Variants in ACOXL observed in about 807,000 individuals in gnomAD.
The protein encoded by ACOXL is acyl-CoA oxidase like.
Under a neutral mutation model 71.9 loss-of-function variants are expected in ACOXL, and 70 were observed. That is an observed-to-expected ratio of 0.97 (90% CI 0.80 to 1.19). The LOEUF is 1.19. Ranked by LOEUF, ACOXL falls within the 50% of genes most tolerant of loss-of-function variation. The probability of loss-of-function intolerance (pLI) is 0.00; values close to 1 mark genes in which losing one functional copy is unlikely to be tolerated. For synonymous variants in ACOXL, 253 were observed against 281.6 expected, an observed-to-expected ratio of 0.90 and a Z score of 1.02; for missense variants, 703 against 736.3, an observed-to-expected ratio of 0.95 and a Z score of 0.52.
At chr2:111,004,829 G>A (rs1471213168) in intron 14 of ACOXL, among the ~76,000 whole-genome samples, 3 of 152,072 alleles carry the variant, frequency 2.0e-5, no homozygotes, top group South Asian at 4.1e-4. Flanking sequence ...TTGAGGGTCG[G>A]GACAGAGAAC....
chr2:110,898,270 A>G (rs2059096260), intron 10 of ACOXL, among the ~76,000 whole-genome samples: 1 of 152,176 alleles, frequency 6.6e-6, no homozygotes, highest in Non-Finnish European at 1.5e-5. Context: ...TGATCCCGGA[A>G]CCAAATAAAG....
chr2:110,873,403 G>A (rs761206471), intron 10 of ACOXL, among the ~76,000 whole-genome samples: 6 of 152,196 alleles, frequency 3.9e-5, no homozygotes, highest in African/African-American at 7.2e-5. Context: ...TGTGTCAGGC[G>A]GTTGGGGGAT....
intron 11 of ACOXL, among the ~76,000 whole-genome samples, chr2:110,920,753 G>A (rs1178146759): frequency 6.6e-6 from 1 of 152,002 alleles, no homozygotes; most frequent in Non-Finnish European, 1.5e-5. Context: ...TCTTGGGATA[G>A]TATTGACTTA....
intron 2 of ACOXL, among the ~76,000 whole-genome samples, chr2:110,773,482 C>T (rs1264353299): frequency 2.0e-5 from 3 of 152,196 alleles, no homozygotes; most frequent in African/African-American, 7.2e-5. Flanking sequence ...CCAACTCACC[C>T]AGGCCCCACC....
intron 11 of ACOXL, among the ~76,000 whole-genome samples, chr2:110,921,394 C>A (rs1281697396): frequency 1.6e-5 from 2 of 128,608 alleles, no homozygotes; most frequent in African/African-American, 2.8e-5. Context: ...ATCCACCCCC[C>A]CCCCCCTTTT....
chr2:110,856,124 C>T (rs1347677076), intron 10 of ACOXL, among the ~76,000 whole-genome samples: 7 of 152,048 alleles, frequency 4.6e-5, no homozygotes, highest in African/African-American at 7.2e-5. Context: ...AGCTACAGAG[C>T]GCTGATTGGT....
intron 1 of ACOXL, among the ~76,000 whole-genome samples, chr2:110,751,171 G>A (rs1678906612): frequency 6.6e-6 from 1 of 151,882 alleles, no homozygotes; most frequent in Admixed American, 6.6e-5. Flanking sequence ...CATTGTAGCG[G>A]GTGCCTGTAG....
chr2:110,892,481 G>C (rs1423214705), intron 10 of ACOXL, among the ~76,000 whole-genome samples: 1 of 152,116 alleles, frequency 6.6e-6, no homozygotes, highest in Non-Finnish European at 1.5e-5. Flanking sequence ...CCAGATGTTG[G>C]ACATAAATGG....
intron 1 of ACOXL, among the ~76,000 whole-genome samples, chr2:110,764,846 T>C (rs1316691284): frequency 6.6e-6 from 1 of 152,324 alleles, no homozygotes; most frequent in Admixed American, 6.5e-5. Flanking sequence ...ATAAGTAATC[T>C]AGTCTACTAT....
chr2:110,808,924 G>C lies in ACOXL; in HGVS notation c.753+3529G>C, dbSNP rs570502621. Among the ~76,000 whole-genome samples, 5 of 152,326 alleles carry C rather than the reference G, an allele frequency of 3.3e-5. No homozygotes were observed. The East Asian group carries it at 5.8e-4, about 18-fold the overall frequency. On this transcript the variant is annotated intron_variant, in intron 9 of 17. Transcript: ENST00000439055. The stretch of plus-strand genomic sequence containing the variant: ...AGCCTCATCCACTGCTGTGTGTTCA[G>C]CTTCACACACAGGGCTGGGCACATA...
chr2:110,819,251 T>TA (rs893285565), intron 9 of ACOXL, among the ~76,000 whole-genome samples: 1 of 152,210 alleles, frequency 6.6e-6, no homozygotes, highest in African/African-American at 2.4e-5. Context: ...GTTGCCTTGC[T>TA]AAAGATTCTG....
At chr2:110,839,091 C>T (rs1490061763) in intron 9 of ACOXL, among the ~76,000 whole-genome samples, 3 of 152,122 alleles carry the variant, frequency 2.0e-5, no homozygotes, top group African/African-American at 4.8e-5. Context: ...ATCTCCCAGC[C>T]CCCTTTAACC....
At chr2:110,760,146 T>A (rs1680201992) in intron 1 of ACOXL, among the ~76,000 whole-genome samples, 1 of 150,062 alleles carries the variant, frequency 6.7e-6, no homozygotes, top group African/African-American at 2.4e-5. Context: ...TTCTTTTCTT[T>A]TTTTTTTTTT....
At chr2:110,802,557 A>G (rs528102966) in intron 8 of ACOXL, among the ~76,000 whole-genome samples, 2 of 152,232 alleles carry the variant, frequency 1.3e-5, no homozygotes, top group South Asian at 4.2e-4. Context: ...CCAAAAGCTT[A>G]AGAAAATTAT....
chr2:110,864,716 T>G (rs1694351051), intron 10 of ACOXL, among the ~76,000 whole-genome samples: 1 of 152,372 alleles, frequency 6.6e-6, no homozygotes, highest in East Asian at 1.9e-4. Context: ...CCTGTGTTTT[T>G]GGGGCTCTGT....
At chr2:111,067,252 T>A (rs2067117417) in intron 16 of ACOXL, among the ~76,000 whole-genome samples, 1 of 152,116 alleles carries the variant, frequency 6.6e-6, no homozygotes, top group Admixed American at 6.5e-5. Context: ...AACTCATATT[T>A]GATCAAAGCA....
At position 111,118,222 on chromosome 2, in the gene ACOXL, GAAA is replaced by G. The variant is rs5833389; in HGVS notation, c.*416_*418del. ...AGAAAAACTGTGGTGCCGAGTGAAA[GAAA>G]AAAAAAAAAGCAAACACCCTTAGAC... On this transcript the variant is annotated 3_prime_UTR_variant, in exon 18 of 18. Transcript: ENST00000439055. The G allele has an allele frequency of 2.0e-5, 4 of 201,384 alleles. No individual in the cohort carries two copies. The highest frequency in any genetic ancestry group is 1.1e-4 in the South Asian group (1 of 9,096). 12.5% of individuals were successfully genotyped at this position (201,384 alleles called of 1,614,324 possible). A position where few individuals can be genotyped will look rare whatever the true frequency, so the allele number is the denominator to read the frequency against.
intron 9 of ACOXL, among the ~76,000 whole-genome samples, chr2:110,819,251 T>C (rs757357051): frequency 4.6e-5 from 7 of 152,210 alleles, no homozygotes; most frequent in Non-Finnish European, 8.8e-5. Context: ...GTTGCCTTGC[T>C]AAAGATTCTG....
chr2:110,830,123 T>G (rs1042609353), intron 9 of ACOXL, among the ~76,000 whole-genome samples: 2 of 152,242 alleles, frequency 1.3e-5, no homozygotes, highest in Admixed American at 1.3e-4. Flanking sequence ...CTCCATATTT[T>G]TTCTTTAGTA....
Sources: allele counts gnomAD v4.1 joint callset (sites outside exome capture counted in the v4.1 genomes callset), GRCh38; gene constraint gnomAD v4.1.1; transcripts MANE v1.5; gene names NCBI Gene and HGNC (gene_info 2026-07-23, HGNC 2026-07-21).